Variants in TNKS observed in about 807,000 individuals in gnomAD.
The protein encoded by TNKS is tankyrase.
TNKS carries 72 observed loss-of-function variants against 135.8 expected under a neutral mutation model. That is an observed-to-expected ratio of 0.53 (90% CI 0.44 to 0.64). The LOEUF (loss-of-function observed/expected upper bound fraction) is 0.64, where lower values mean the gene tolerates loss of function less well. Ranked by LOEUF, TNKS falls within the 30% of genes least tolerant of loss-of-function variation. The probability of loss-of-function intolerance (pLI) is 0.00; values close to 1 mark genes in which losing one functional copy is unlikely to be tolerated. For missense variants in TNKS, 1,769 were observed against 1,674.0 expected (o/e 1.06, Z -0.99); for synonymous variants, 849 against 649.3 (o/e 1.31, Z -4.68).
At chr8:9,646,309 A>C (rs1484332581) in intron 3 of TNKS, among the ~76,000 whole-genome samples, 1 of 152,130 alleles carries the variant, frequency 6.6e-6, no homozygotes, top group Non-Finnish European at 1.5e-5. Flanking sequence ...CCTCCAAACG[A>C]ATAATGCCTT....
chr8:9,614,156 T>TA (rs1324465543), intron 2 of TNKS, among the ~76,000 whole-genome samples: 3 of 152,324 alleles, frequency 2.0e-5, no homozygotes, highest in East Asian at 3.9e-4. Context: ...TTCCTGGTAT[T>TA]AAAAAAACAT....
intron 4 of TNKS, 107 bp from the exon 5 acceptor site, chr8:9,680,618 A>G (rs1306118518): frequency 4.2e-6 from 3 of 716,502 alleles, no homozygotes; most frequent in Non-Finnish European, 7.4e-6. Flanking sequence ...TCCATGTAAA[A>G]GAAATCAAAG....
chr8:9,672,645 CTG>C (rs1229949475), intron 3 of TNKS, among the ~76,000 whole-genome samples: 1 of 126,420 alleles, frequency 7.9e-6, no homozygotes, highest in African/African-American at 3.0e-5. Flanking sequence ...GCAGCAGACA[CTG>C]TGATGGTAAA....
At chr8:9,594,615 G>A (rs1027536072) in intron 2 of TNKS, among the ~76,000 whole-genome samples, 1 of 151,956 alleles carries the variant, frequency 6.6e-6, no homozygotes, top group Admixed American at 6.6e-5. Flanking sequence ...TCTACTTTAT[G>A]TAGTAACATA....
chr8:9,620,525 C>G (rs1799826057), intron 3 of TNKS, among the ~76,000 whole-genome samples: 1 of 152,174 alleles, frequency 6.6e-6, no homozygotes, highest in South Asian at 2.1e-4. Context: ...CCCACAGCCT[C>G]TGAATAAAAT....
chr8:9,706,900 G>A lies in TNKS; in HGVS notation c.1359G>A (p.Leu453=), dbSNP rs775407614. ...ASKNRVEVCS[L]LLSHGADPTL... is the part of the protein sequence containing the mutation. Reference sequence around the variant, plus strand: ...AGAACCGTGTAGAAGTCTGCTCTTTGTTACTTAGCCATGGCGCTGATCCTA... The same window carrying A: ...AGAACCGTGTAGAAGTCTGCTCTTTATTACTTAGCCATGGCGCTGATCCTA... Residue 453 remains leucine (L), a synonymous_variant, in exon 8 of 27, where the codon TTG becomes TTA. Transcript: ENST00000310430. 1.2e-6 allele frequency: 2 copies of A among 1,614,092 alleles called. No individual in the cohort carries two copies. The highest frequency in any genetic ancestry group is 1.7e-5 in the Admixed American group (1 of 60,000).
Position 9,580,222 on chromosome 8 carries a change from A to G in TNKS, c.737A>G (p.Asp246Gly). 1.2e-6 allele frequency: 2 copies of G among 1,614,174 alleles called. No homozygotes were observed. Among genetic ancestry groups the G allele is most frequent in the Non-Finnish European group, 8.5e-7 (1 of 1,180,040 alleles). ...ATGGGTGCTAATGTCCACGCTCGTG[A>G]TGATGGAGGTCTCATCCCGCTTCAT... Reference protein sequence around the residue: ...LQMGANVHARDDGGLIPLHNA... With the variant: ...LQMGANVHARGDGGLIPLHNA... The change falls in exon 2 of 27, where the codon GAT (aspartate) becomes GGT (glycine). Residue 246 changes from aspartate to glycine, a missense_variant. Coordinates refer to ENST00000310430, the MANE Select transcript of TNKS (RefSeq NM_003747.3).
intron 3 of TNKS, among the ~76,000 whole-genome samples, chr8:9,655,621 C>G (rs779600901): frequency 7.2e-4 from 109 of 152,256 alleles, no homozygotes; most frequent in Middle Eastern, 3.4e-3. Context: ...TGCCTGATAC[C>G]CAGACAAACA....
In TNKS at chr8:9,566,780, T is replaced by G. The variant is rs921070420; in HGVS notation, c.673+10168T>G. On this transcript the variant is annotated intron_variant, in intron 1 of 26. Coordinates refer to ENST00000310430, the MANE Select transcript of TNKS (RefSeq NM_003747.3). Reference sequence around the variant, plus strand: ...CCCGCCACCGCGCCCGGCTAATTTTTTGTATTTTTAGTAGAGACGGGGTTT... The same window carrying G: ...CCCGCCACCGCGCCCGGCTAATTTTGTGTATTTTTAGTAGAGACGGGGTTT... 9.3e-5 allele frequency among the ~76,000 whole-genome samples: 14 copies of G among 150,768 alleles called. No individual in the cohort carries two copies. In the Middle Eastern group the frequency reaches 0.014, roughly 147 times the overall value.
intron 18 of TNKS, among the ~76,000 whole-genome samples, chr8:9,751,166 C>T (rs1219679039): frequency 6.6e-6 from 1 of 152,150 alleles, no homozygotes; most frequent in Non-Finnish European, 1.5e-5. Flanking sequence ...AAAGCAGTTG[C>T]ATCTAATACT....
chr8:9,564,208 C>T (rs1388344105), intron 1 of TNKS, among the ~76,000 whole-genome samples: 1 of 152,102 alleles, frequency 6.6e-6, no homozygotes, highest in Non-Finnish European at 1.5e-5. Flanking sequence ...AAGTGTAGTC[C>T]AGTCACCTGT....
intron 1 of TNKS, among the ~76,000 whole-genome samples, chr8:9,562,666 C>G (rs892925199): frequency 1.3e-5 from 2 of 152,102 alleles, no homozygotes; most frequent in African/African-American, 4.8e-5. Context: ...ACTTCCAATT[C>G]AAACTCAGAA....
chr8:9,735,571 A>C (rs4841208), intron 17 of TNKS, 85 bp downstream of exon 17: 830,073 of 1,003,912 alleles, frequency 0.83, 344,236 homozygotes, highest in Admixed American at 0.91. Flanking sequence ...GAGGCCGAGG[A>C]AGGTAGATCA....
At chr8:9,666,670 A>T (rs1358475880) in intron 3 of TNKS, among the ~76,000 whole-genome samples, 3 of 152,068 alleles carry the variant, frequency 2.0e-5, no homozygotes, top group African/African-American at 7.2e-5. Context: ...GCAGTGAGCC[A>T]AGATGGTTGC....
intron 17 of TNKS, among the ~76,000 whole-genome samples, chr8:9,745,335 A>G (rs1303381399): frequency 6.6e-6 from 1 of 152,224 alleles, no homozygotes; most frequent in East Asian, 1.9e-4. Flanking sequence ...AAGAATCACA[A>G]AACATCCTGT....
chr8:9,569,056 C>G (rs993818750), intron 1 of TNKS, among the ~76,000 whole-genome samples: 13 of 152,070 alleles, frequency 8.5e-5, no homozygotes, highest in African/African-American at 3.1e-4. Flanking sequence ...GTTAATATTG[C>G]CACTAATCTC....
At chr8:9,644,593 T>C (rs541634854) in intron 3 of TNKS, among the ~76,000 whole-genome samples, 13 of 152,302 alleles carry the variant, frequency 8.5e-5, no homozygotes, top group African/African-American at 2.9e-4. Context: ...TTGGAACCTG[T>C]TTTAGTTTCT....
chr8:9,641,048 A>G (rs1800707943), intron 3 of TNKS, among the ~76,000 whole-genome samples: 1 of 145,862 alleles, frequency 6.9e-6, no homozygotes, highest in Non-Finnish European at 1.5e-5. Flanking sequence ...TCTAACACCC[A>G]TTTAATAAGA....
In TNKS at chr8:9,581,334, C is replaced by T. The variant is rs539763550; in HGVS notation, c.898+951C>T. On this transcript the variant is annotated intron_variant, in intron 2 of 26. Transcript: ENST00000310430. ...TTTTTAAAAAAATCACATTTTCTGTCATTATCCTTTGCTACTTGAGCATCC... is the reference window on the plus strand; with the variant it reads ...TTTTTAAAAAAATCACATTTTCTGTTATTATCCTTTGCTACTTGAGCATCC... Among the ~76,000 whole-genome samples, 21 of 152,240 alleles carry T rather than the reference C, an allele frequency of 1.4e-4. No individual in the cohort carries two copies. In the South Asian group the frequency reaches 4.2e-3, roughly 30 times the overall value.
Sources: allele counts gnomAD v4.1 joint callset (sites outside exome capture counted in the v4.1 genomes callset), GRCh38; gene constraint gnomAD v4.1.1; transcripts MANE v1.5; gene names NCBI Gene and HGNC (gene_info 2026-07-23, HGNC 2026-07-21).